Variants in SYNE3 observed in about 807,000 individuals in gnomAD.
SYNE3 encodes the protein nesprin-3.
Under a neutral mutation model 111.2 loss-of-function variants are expected in SYNE3, and 100 were observed. The ratio of observed to expected loss-of-function variants is 0.90; its 90% CI spans 0.77 to 1.06. The LOEUF (loss-of-function observed/expected upper bound fraction) is 1.06, where lower values mean the gene tolerates loss of function less well. SYNE3 is among the 50% of genes least tolerant of loss of function. The pLI, the probability that SYNE3 is intolerant of heterozygous loss-of-function variation, is 0.00. For missense variants in SYNE3, 1,160 were observed against 1,240.3 expected (o/e 0.94, Z 0.97); for synonymous variants, 547 against 533.9 (o/e 1.02, Z -0.34).
intron 13 of SYNE3, 134 bp from the exon 14 acceptor site, chr14:95,439,296 G>A (rs1019201916): frequency 6.0e-6 from 8 of 1,344,176 alleles, no homozygotes; most frequent in Non-Finnish European, 8.3e-6. Context: ...GAATGTTCCT[G>A]AGGCATGCTC....
intron 1 of SYNE3, among the ~76,000 whole-genome samples, chr14:95,480,129 TA>T (rs1488827403): frequency 6.6e-6 from 1 of 151,924 alleles, no homozygotes; most frequent in African/African-American, 2.4e-5. Flanking sequence ...TGCTCAGGGG[TA>T]AAAAGAAGCA....
intron 2 of SYNE3, among the ~76,000 whole-genome samples, chr14:95,469,255 G>C (rs1246029632): frequency 6.6e-6 from 1 of 152,044 alleles, no homozygotes; most frequent in Non-Finnish European, 1.5e-5. Flanking sequence ...GGGTGAAGGA[G>C]AGCTCCTGCC....
At chr14:95,431,394 G>A (rs1202619460) in intron 17 of SYNE3, among the ~76,000 whole-genome samples, 5 of 152,170 alleles carry the variant, frequency 3.3e-5, no homozygotes, top group Non-Finnish European at 7.4e-5. Flanking sequence ...CTGCCTCCTA[G>A]GTGTCACTGG....
At chr14:95,502,371 AG>A (rs1325033796) in intron 1 of SYNE3, among the ~76,000 whole-genome samples, 1 of 149,578 alleles carries the variant, frequency 6.7e-6, no homozygotes. Context: ...TGGGATGGAG[AG>A]GGAGACTTGC....
chr14:95,461,353 C>T (rs1215597663), intron 4 of SYNE3, among the ~76,000 whole-genome samples: 1 of 152,166 alleles, frequency 6.6e-6, no homozygotes, highest in Non-Finnish European at 1.5e-5. Context: ...AAGACTAAAT[C>T]GGGATTAAAA....
intron 1 of SYNE3, among the ~76,000 whole-genome samples, chr14:95,486,347 C>A (rs1430012628): frequency 6.6e-6 from 1 of 152,104 alleles, no homozygotes; most frequent in African/African-American, 2.4e-5. Flanking sequence ...GGCACTGACA[C>A]CTGTCCCCCA....
At chr14:95,420,602 G>A (rs1036204144) in intron 17 of SYNE3, among the ~76,000 whole-genome samples, 2 of 152,128 alleles carry the variant, frequency 1.3e-5, no homozygotes, top group Non-Finnish European at 2.9e-5. Flanking sequence ...CCTGCTGCCT[G>A]CCCAGTGCCT....
At chr14:95,495,123 G>A (rs1265371668) in intron 1 of SYNE3, among the ~76,000 whole-genome samples, 2 of 150,404 alleles carry the variant, frequency 1.3e-5, no homozygotes, top group African/African-American at 4.9e-5. Flanking sequence ...AAAAAAAAAA[G>A]AAAGAAAAGA....
intron 1 of SYNE3, among the ~76,000 whole-genome samples, chr14:95,488,724 A>AGGAGAGGAGAGGAGG (rs1889684864): frequency 9.8e-6 from 1 of 102,502 alleles, no homozygotes. Flanking sequence ...AGGAGAGGAG[A>AGGAGAGGAGAGGAGG]GGAGAGGAGA....
Position 95,412,592 on chromosome 14 carries a change from A to G in SYNE3, c.*5234T>C, listed in dbSNP as rs1903463850. 6.6e-6 allele frequency: 1 copy of G among 152,238 alleles called. No individual in the cohort carries two copies. The highest frequency in any genetic ancestry group is 1.5e-5 in the Non-Finnish European group (1 of 68,052). The allele number at this position is 152,238 out of a possible 1,614,324, so 9.4% of individuals were successfully genotyped here. On this transcript the variant is annotated 3_prime_UTR_variant, in exon 18 of 18. Transcript: ENST00000682763. ...GGCCAGTGGGAAGGCAGGGCCAGTGAGCACCTGGGTTTTATTTTTTTAGAG... is the reference window on the plus strand; with the variant it reads ...GGCCAGTGGGAAGGCAGGGCCAGTGGGCACCTGGGTTTTATTTTTTTAGAG...
rs386382233 is a variant in SYNE3 at position 95,503,610 on chromosome 14, C to CTTTTTT, written c.-15+12980_-15+12985dup. Reference sequence around the variant, plus strand: ...AGATTGAGACTTGTTTCAGAACTACCTTTTTTTTTTTTTTTTTTTTTTTTT... The same window carrying CTTTTTT: ...AGATTGAGACTTGTTTCAGAACTACCTTTTTTTTTTTTTTTTTTTTTTTTTTTTTTT... On this transcript the variant is annotated intron_variant, in intron 1 of 17. Coordinates refer to ENST00000682763, the MANE Select transcript of SYNE3 (RefSeq NM_152592.6). 1.5e-4 allele frequency among the ~76,000 whole-genome samples: 14 copies of CTTTTTT among 91,884 alleles called. 1 individual carries two copies. The highest frequency in any genetic ancestry group is 2.3e-4 in the Non-Finnish European group (11 of 47,944). The allele number at this position is 91,884 out of a possible 152,430, so 60.3% of individuals were successfully genotyped here.
At chr14:95,439,186 TCAATGCAGAGATGTGGTGGGGACCCAC>T in intron 13 of SYNE3, 24 bp from the exon 14 acceptor site, 1 of 1,614,066 alleles carries the variant, frequency 6.2e-7, no homozygotes, top group Non-Finnish European at 8.5e-7. Context: ...CTCAGCCCAG[TCAATGCAGAGATGTGGTGGGGACCCAC>T]CAGGACATGG....
intron 4 of SYNE3, among the ~76,000 whole-genome samples, chr14:95,463,354 A>G (rs12436943): frequency 0.68 from 104,133 of 152,100 alleles, 35,816 homozygotes; most frequent in Admixed American, 0.73. Context: ...CAATCCTTTC[A>G]GCATCTGGGC....
At chr14:95,437,704 C>T (rs1886174248) in intron 14 of SYNE3, 1 of 152,236 alleles carries the variant, frequency 6.6e-6, no homozygotes, top group Non-Finnish European at 1.5e-5. Flanking sequence ...CCTTATTTAA[C>T]AGCCTGTGGA....
intron 4 of SYNE3, among the ~76,000 whole-genome samples, chr14:95,463,941 A>G (rs2139467216): frequency 6.6e-6 from 1 of 152,388 alleles, no homozygotes; most frequent in South Asian, 2.1e-4. Flanking sequence ...CAAAGAGCTC[A>G]CATGTAACCA....
chr14:95,449,990 C>G lies in SYNE3; in HGVS notation c.1390G>C (p.Glu464Gln). 1 of 1,554,826 alleles carries G rather than the reference C, an allele frequency of 6.4e-7. No individual in the cohort carries two copies. The highest frequency in any genetic ancestry group is 1.4e-5 in the African/African-American group (1 of 73,400). The change falls in exon 8 of 18, where the codon GAG (glutamate) becomes CAG (glutamine). Residue 464 changes from glutamate to glutamine, a missense_variant. Coordinates refer to ENST00000682763, the MANE Select transcript of SYNE3 (RefSeq NM_152592.6). ...LWKALAQRLL[E>Q]VTASLPDLPS... ...AGGTCCGGCAGGCTGGCAGTGACCT[C>G]CAAGAGCCGCTGGGCCAGGGCCTTC...
At position 95,439,114 on chromosome 14, in the gene SYNE3, C is replaced by A. The variant is rs761031540; in HGVS notation, c.2295G>T (p.Lys765Asn). 6.2e-7 allele frequency: 1 copy of A among 1,614,264 alleles called. No individual in the cohort carries two copies. Among genetic ancestry groups the A allele is most frequent in the Non-Finnish European group, 8.5e-7 (1 of 1,180,046 alleles). ...HLQRMEVDSG[K>N]KMVFTNNIPK... is the part of the protein sequence containing the mutation. ...GGATGTTGTTGGTGAAAACCATTTT[C>A]TTCCCCGAATCCACTTCCATCCTCT... is the stretch of plus-strand genomic sequence containing the variant. The change falls in exon 14 of 18, where the codon AAG (lysine) becomes AAT (asparagine). Residue 765 changes from lysine to asparagine, a missense_variant. Coordinates refer to ENST00000682763, the MANE Select transcript of SYNE3 (RefSeq NM_152592.6).
At chr14:95,462,050 C>T (rs754662083) in intron 4 of SYNE3, among the ~76,000 whole-genome samples, 7 of 152,202 alleles carry the variant, frequency 4.6e-5, no homozygotes, top group Non-Finnish European at 8.8e-5. Flanking sequence ...AAGTTTGCCC[C>T]GCTCAGGAGC....
intron 11 of SYNE3, among the ~76,000 whole-genome samples, 183 bp from the exon 12 acceptor site, chr14:95,440,258 A>G (rs1353674020): frequency 6.6e-6 from 1 of 152,226 alleles, no homozygotes; most frequent in Non-Finnish European, 1.5e-5. Context: ...TACCCTTGGA[A>G]GATCAAATCT....
Sources: gnomAD v4.1 joint callset for allele counts (sites outside exome capture counted in the v4.1 genomes callset) on GRCh38, gnomAD v4.1.1 for gene constraint, MANE v1.5 for transcripts, NCBI Gene and HGNC (gene_info 2026-07-23, HGNC 2026-07-21) for gene names.